MYLK3: variants seen among roughly 807,000 people sequenced by gnomAD.
MYLK3 encodes the protein MLC kinase.
Under a neutral mutation model 76.3 loss-of-function variants are expected in MYLK3, and 55 were observed. The observed-to-expected ratio is 0.72, with a 90% CI of 0.58 to 0.90. The LOEUF is 0.90. MYLK3 is among the 40% of genes least tolerant of loss of function. The pLI is 0.00. For missense variants in MYLK3, 973 were observed against 1,053.6 expected, an observed-to-expected ratio of 0.92 and a Z score of 1.06; for synonymous variants, 416 against 425.4, an observed-to-expected ratio of 0.98 and a Z score of 0.27.
In MYLK3 at chr16:46,710,685, G is replaced by A. The variant is rs375441580; in HGVS notation, c.2219C>T (p.Ser740Leu). The change falls in exon 11 of 13, where the codon TCG (serine) becomes TTG (leucine). Residue 740 changes from serine (S) to leucine (L), a missense_variant. Coordinates refer to ENST00000394809, the MANE Select transcript of MYLK3 (RefSeq NM_182493.3). The stretch of plus-strand genomic sequence containing the variant: ...GGAAACAAAGTCCTTGGCCTCCTCC[G>A]AGAGCCCTTCAAAGGTGTCAGCATC... ...DFDADTFEGL[S>L]EEAKDFVSRL... is the part of the protein sequence containing the mutation. 24 of 1,613,992 alleles carry A rather than the reference G, an allele frequency of 1.5e-5. No homozygotes were observed. In the Middle Eastern group the frequency reaches 4.9e-4, roughly 33 times the overall value.
intron 1 of MYLK3, among the ~76,000 whole-genome samples, chr16:46,746,518 T>A (rs920282411): frequency 1.3e-4 from 20 of 152,162 alleles, no homozygotes; most frequent in African/African-American, 4.8e-4. Flanking sequence ...TTTCCAGGAC[T>A]CAAACAATTC....
intron 7 of MYLK3, among the ~76,000 whole-genome samples, chr16:46,727,906 T>A (rs1966845783): frequency 6.6e-6 from 1 of 152,032 alleles, no homozygotes; most frequent in African/African-American, 2.4e-5. Flanking sequence ...AAGTGACAGG[T>A]CAAAGGGAAG....
chr16:46,709,784 C>T lies in MYLK3; in HGVS notation c.2268-113G>A. The stretch of plus-strand genomic sequence containing the variant: ...CAGTGGAACAGATTAATCATTTAGG[C>T]AGATTCATGCCATGTACCAAAAAGG... On this transcript the variant is annotated intron_variant, in intron 11 of 12. Coordinates refer to ENST00000394809, the MANE Select transcript of MYLK3 (RefSeq NM_182493.3). 3 of 1,222,810 alleles carry T rather than the reference C, an allele frequency of 2.5e-6. No individual in the cohort carries two copies. In the South Asian group the frequency reaches 4.5e-5, roughly 18 times the overall value. The allele number at this position is 1,222,810 out of a possible 1,614,324, so 75.7% of individuals were successfully genotyped here.
At chr16:46,730,487 C>A in intron 5 of MYLK3, 106 bp downstream of exon 5, 1 of 900,726 alleles carries the variant, frequency 1.1e-6, no homozygotes, top group South Asian at 1.5e-5. Flanking sequence ...TCCATCAGCT[C>A]GAGAGAGAGT....
chr16:46,711,106 T>C lies in MYLK3; in HGVS notation c.2115-317A>G, dbSNP rs1966678839. 1.7e-5 allele frequency: 5 copies of C among 302,702 alleles called. No individual in the cohort carries two copies. The South Asian group carries it at 2.0e-4, about 12-fold the overall frequency. 18.8% of individuals were successfully genotyped at this position (302,702 alleles called of 1,614,324 possible). On this transcript the variant is annotated intron_variant, in intron 10 of 12. Transcript: ENST00000394809. Reference sequence around the variant, plus strand: ...GGTATGCCCAGTTATCAAGTACACATTGATTTAATTTTAGAAATAGAAATA... The same window carrying C: ...GGTATGCCCAGTTATCAAGTACACACTGATTTAATTTTAGAAATAGAAATA...
intron 8 of MYLK3, 148 bp downstream of exon 8, chr16:46,727,088 G>A: frequency 1.4e-6 from 1 of 703,748 alleles, no homozygotes. Context: ...GGCAGCAAGA[G>A]TGGCCTGTCC....
chr16:46,740,548 TATA>T (rs1489921696), intron 1 of MYLK3, among the ~76,000 whole-genome samples: 1 of 102,508 alleles, frequency 9.8e-6, no homozygotes, highest in African/African-American at 3.6e-5. Flanking sequence ...TATATATATA[TATA>T]TTTTTTTTTT....
intron 1 of MYLK3, among the ~76,000 whole-genome samples, chr16:46,753,513 A>T (rs1453863113): frequency 6.6e-6 from 1 of 152,248 alleles, no homozygotes; most frequent in Non-Finnish European, 1.5e-5. Flanking sequence ...GGATCACTGG[A>T]TGTTCAAAGA....
chr16:46,749,341 C>G (rs187853184), upstream of MYLK3, among the ~76,000 whole-genome samples: 2 of 152,258 alleles, frequency 1.3e-5, no homozygotes, highest in African/African-American at 4.8e-5. Flanking sequence ...GGCAGGCACA[C>G]GGCCTCCTGA....
intron 9 of MYLK3, among the ~76,000 whole-genome samples, chr16:46,713,416 CT>C (rs1218927272): frequency 6.6e-6 from 1 of 152,010 alleles, no homozygotes; most frequent in Non-Finnish European, 1.5e-5. Context: ...CCAGGCTGGC[CT>C]CAAACTCCTG....
chr16:46,736,592 G>T (rs1183636698), intron 3 of MYLK3, among the ~76,000 whole-genome samples: 1 of 152,126 alleles, frequency 6.6e-6, no homozygotes, highest in East Asian at 1.9e-4. Context: ...TCCGATCCCG[G>T]GATGCCTGCC....
At chr16:46,719,964 G>A (rs145093757) in intron 9 of MYLK3, among the ~76,000 whole-genome samples, 130 of 152,234 alleles carry the variant, frequency 8.5e-4, no homozygotes, top group African/African-American at 3.0e-3. Context: ...GATCACTTGA[G>A]GTCAGGAGTT....
chr16:46,762,929 G>A (rs904311347), intron 1 of MYLK3: 22 of 861,208 alleles, frequency 2.6e-5, no homozygotes, highest in Non-Finnish European at 2.7e-5. Context: ...TTTTCTTGTC[G>A]TTTTTGATCA....
At position 46,710,789 on chromosome 16, in the gene MYLK3, T is replaced by A. The variant is rs369405932; in HGVS notation, c.2115A>T (p.Leu705=). 9.9e-6 allele frequency: 16 copies of A among 1,613,756 alleles called. No individual in the cohort carries two copies. In the African/African-American group the frequency reaches 2.0e-4, roughly 20 times the overall value. ...CTAGAAATGGGGACAAGCCACTGAG[T>A]CTATAGAAGAGAGAAAGGACCATCA... is the stretch of plus-strand genomic sequence containing the variant. ...MWSVGVITYM[L]LSGLSPFLGE... Residue 705 remains leucine, a splice_region_variant and synonymous_variant, in exon 11 of 13, where the codon CTA becomes CTT. Transcript: ENST00000394809.
In MYLK3 at chr16:46,704,986, A is replaced by T. The variant is rs1412310702; in HGVS notation, c.*2718T>A. ...CAACTTTCAGCAGCTGTGTCTTCTG[A>T]TGTTCATTCTTCAGCTGACCAACTT... On this transcript the variant is annotated 3_prime_UTR_variant, in exon 13 of 13. Coordinates refer to ENST00000394809, the MANE Select transcript of MYLK3 (RefSeq NM_182493.3). 6.6e-6 allele frequency: 1 copy of T among 152,238 alleles called. No homozygotes were observed. The highest frequency in any genetic ancestry group is 1.5e-5 in the Non-Finnish European group (1 of 68,044). The allele number at this position is 152,238 out of a possible 1,614,324, so 9.4% of individuals were successfully genotyped here.
upstream of MYLK3, among the ~76,000 whole-genome samples, chr16:46,749,244 G>A (rs965248115): frequency 4.6e-5 from 7 of 152,200 alleles, no homozygotes; most frequent in Admixed American, 3.3e-4. Context: ...AGGACGCCAC[G>A]GAGCAGTCTG....
At chr16:46,734,462 A>C (rs754130808) in intron 3 of MYLK3, among the ~76,000 whole-genome samples, 1 of 152,156 alleles carries the variant, frequency 6.6e-6, no homozygotes, top group Non-Finnish European at 1.5e-5. Context: ...AAAAATACAA[A>C]AATTAGCTGA....
At chr16:46,745,030 G>C (rs1966999975) in intron 1 of MYLK3, among the ~76,000 whole-genome samples, 1 of 151,846 alleles carries the variant, frequency 6.6e-6, no homozygotes, top group Non-Finnish European at 1.5e-5. Flanking sequence ...AAAAAAACAT[G>C]CACAATAATT....
chr16:46,738,029 C>T lies in MYLK3; in HGVS notation c.683G>A (p.Gly228Asp). Reference protein sequence around the residue: ...QAVVSPGQGDGVPGPAQAFPG... With the variant: ...QAVVSPGQGDDVPGPAQAFPG... Reference sequence around the variant, plus strand: ...GAATGCCTGGGCTGGGCCAGGAACACCATCTCCCTGGCCCGGTGAGACCAC... The same window carrying T: ...GAATGCCTGGGCTGGGCCAGGAACATCATCTCCCTGGCCCGGTGAGACCAC... Residue 228 changes from glycine (G) to aspartate (D), a missense_variant, in exon 3 of 13, where the codon GGT becomes GAT. Gly to Asp is a moderately conservative substitution (Grantham distance 94). Around this residue, in one of 2 missense-constraint regions of MYLK3, gnomAD observed 641 missense variants for 637.0 expected, o/e 1.01. Coordinates refer to ENST00000394809, the MANE Select transcript of MYLK3 (RefSeq NM_182493.3). 1 of 1,612,550 alleles carries T rather than the reference C, an allele frequency of 6.2e-7. No homozygotes were observed. The highest frequency in any genetic ancestry group is 8.5e-7 in the Non-Finnish European group (1 of 1,179,882).
Sources: gnomAD v4.1 joint callset for allele counts (sites outside exome capture counted in the v4.1 genomes callset) on GRCh38, gnomAD v4.1.1 for gene constraint, gnomAD v4.1.1 regional missense constraint, MANE v1.5 for transcripts, NCBI Gene and HGNC (gene_info 2026-07-23, HGNC 2026-07-21) for gene names.